The following PPIL2 variants were observed in gnomAD, a reference collection of about 807,000 sequenced individuals.
PPIL2 encodes the protein RING-type E3 ubiquitin-protein ligase PPIL2.
In PPIL2, 50 loss-of-function variants were observed where a neutral mutation model predicts 75.2. That is an observed-to-expected ratio of 0.66 (90% CI 0.53 to 0.84). The LOEUF is 0.84. PPIL2 is among the 40% of genes least tolerant of loss of function. The pLI, the probability that PPIL2 is intolerant of heterozygous loss-of-function variation, is 0.00. For missense variants in PPIL2, 590 were observed against 685.0 expected (o/e 0.86, Z 1.55); for synonymous variants, 245 against 258.8 (o/e 0.95, Z 0.51).
At chr22:21,668,007 C>T (rs1440948281) in intron 1 of PPIL2, among the ~76,000 whole-genome samples, 2 of 152,008 alleles carry the variant, frequency 1.3e-5, no homozygotes, top group African/African-American at 2.4e-5. Flanking sequence ...GAACTCCTGA[C>T]GTCGAGTGAT....
Position 21,695,593 on chromosome 22 carries a change from A to G in PPIL2, c.*103A>G, listed in dbSNP as rs1304129682. On this transcript the variant is annotated 3_prime_UTR_variant, in exon 20 of 20. Transcript: ENST00000398831. Reference sequence around the variant, plus strand: ...CTAGCCTGCCCTCTGCTGCCAGCCAATAAATTGCTTGCCTGCTGCCTGCAT... The same window carrying G: ...CTAGCCTGCCCTCTGCTGCCAGCCAGTAAATTGCTTGCCTGCTGCCTGCAT... 3.9e-6 allele frequency: 6 copies of G among 1,522,992 alleles called. No homozygotes were observed. The highest frequency in any genetic ancestry group is 4.4e-6 in the Non-Finnish European group (5 of 1,132,800). The allele number at this position is 1,522,992 out of a possible 1,614,324, so 94.3% of individuals were successfully genotyped here.
At chr22:21,683,603 GA>G (rs1367648081) in intron 9 of PPIL2, among the ~76,000 whole-genome samples, 2 of 152,276 alleles carry the variant, frequency 1.3e-5, no homozygotes, top group African/African-American at 4.8e-5. Context: ...CTCATGTTCA[GA>G]GGTCACTCGG....
intron 7 of PPIL2, among the ~76,000 whole-genome samples, 175 bp from the exon 8 acceptor site, chr22:21,682,262 C>T (rs952666643): frequency 6.6e-6 from 1 of 152,204 alleles, no homozygotes; most frequent in Non-Finnish European, 1.5e-5. Context: ...CCAGCCAGCT[C>T]CGCCTCTGTG....
downstream of PPIL2, chr22:21,699,506 T>C (rs994077216): frequency 2.0e-5 from 3 of 152,372 alleles, no homozygotes; most frequent in African/African-American, 4.8e-5. Context: ...TAATAAAATA[T>C]ATGGCAGAAA....
chr22:21,672,426 C>T, intron 5 of PPIL2, 45 bp downstream of exon 5: 6 of 1,528,218 alleles, frequency 3.9e-6, no homozygotes, highest in Non-Finnish European at 5.4e-6. Context: ...TGAATGCTAT[C>T]CTCTCACTTC....
Position 21,696,651 on chromosome 22 carries a change from G to C in PPIL2, c.*1161G>C. On this transcript the variant is annotated 3_prime_UTR_variant, in exon 20 of 20. Transcript: ENST00000398831. Reference sequence around the variant, plus strand: ...CCTCTTGGGCTCCCTGTTGCCCTCAGGCCACCCCCCACTTCTAGTTCTTCA... The same window carrying C: ...CCTCTTGGGCTCCCTGTTGCCCTCACGCCACCCCCCACTTCTAGTTCTTCA... 2 of 1,521,786 alleles carry C rather than the reference G, an allele frequency of 1.3e-6. No individual in the cohort carries two copies. The highest frequency in any genetic ancestry group is 1.8e-6 in the Non-Finnish European group (2 of 1,139,314). 94.3% of individuals were successfully genotyped at this position (1,521,786 alleles called of 1,614,324 possible). A position where few individuals can be genotyped will look rare whatever the true frequency, so the allele number is the denominator to read the frequency against.
rs962858926 is a variant in PPIL2, at chr22:21,686,313, T to C, written c.715-170T>C. On this transcript the variant is annotated intron_variant, in intron 10 of 19. Coordinates refer to ENST00000398831, the MANE Select transcript of PPIL2 (RefSeq NM_014337.4). Reference sequence around the variant, plus strand: ...GAGGCCAGGGGACCCTGGCTTGGCCTAGCCTTGGCTTCTTCCTCCTGCTGG... The same window carrying C: ...GAGGCCAGGGGACCCTGGCTTGGCCCAGCCTTGGCTTCTTCCTCCTGCTGG... 4.6e-5 allele frequency among the ~76,000 whole-genome samples: 7 copies of C among 152,314 alleles called. No homozygotes were observed. The East Asian group carries it at 1.4e-3, about 29-fold the overall frequency.
At chr22:21,692,719 A>G (rs888605326) in intron 15 of PPIL2, among the ~76,000 whole-genome samples, 1 of 151,274 alleles carries the variant, frequency 6.6e-6, no homozygotes, top group Non-Finnish European at 1.5e-5. Context: ...AGGTCAAGAG[A>G]TTGAGACCAT....
Position 21,694,824 on chromosome 22 carries a change from G to C in PPIL2, c.1332+7G>C, listed in dbSNP as rs747676624. The C allele has an allele frequency of 5.3e-5, 84 of 1,595,494 alleles. No individual in the cohort carries two copies. Among genetic ancestry groups the C allele is most frequent in the Non-Finnish European group, 5.9e-5 (69 of 1,168,596 alleles). ...TGAGGAGGCCGATGCCCAGGTGAGG[G>C]GGCACGATGCCACCACCTAGGAGGG... On this transcript the variant is annotated splice_region_variant and intron_variant, in intron 18 of 19. Transcript: ENST00000398831.
intron 13 of PPIL2, 34 bp downstream of exon 13, chr22:21,687,766 G>A (rs759958523): frequency 2.7e-5 from 43 of 1,586,272 alleles, no homozygotes; most frequent in Non-Finnish European, 1.7e-5. Flanking sequence ...GCACAGATGA[G>A]CTTGGTGGGA....
chr22:21,687,920 T>G (rs1383100894), intron 13 of PPIL2, among the ~76,000 whole-genome samples, 153 bp from the exon 14 acceptor site: 1 of 152,214 alleles, frequency 6.6e-6, no homozygotes, highest in Non-Finnish European at 1.5e-5. Flanking sequence ...AGAACTGGGT[T>G]CACAAAGGGA....
intron 3 of PPIL2, 146 bp from the exon 4 acceptor site, chr22:21,670,851 A>C: frequency 1.1e-6 from 1 of 906,016 alleles, no homozygotes; most frequent in Non-Finnish European, 1.8e-6. Context: ...GTTGGAGGAG[A>C]AGGTTGGTGA....
At chr22:21,692,903 G>C (rs2067739189) in intron 15 of PPIL2, among the ~76,000 whole-genome samples, 1 of 150,618 alleles carries the variant, frequency 6.6e-6, no homozygotes. Context: ...TCCAGCCTGG[G>C]GGACAGAGCA....
intron 8 of PPIL2, 133 bp from the exon 9 acceptor site, chr22:21,683,049 G>A: frequency 1.3e-6 from 1 of 798,298 alleles, no homozygotes; most frequent in Non-Finnish European, 2.2e-6. Context: ...CTCATGCCCT[G>A]CTTGACTCCC....
rs887650566 is a variant in PPIL2, at chr22:21,693,713, C to T, written c.1140-103C>T. 5.4e-5 allele frequency: 64 copies of T among 1,192,630 alleles called. No individual in the cohort carries two copies. In the African/African-American group the frequency reaches 8.4e-4, roughly 16 times the overall value. The allele number at this position is 1,192,630 out of a possible 1,614,324, so 73.9% of individuals were successfully genotyped here. A position where few individuals can be genotyped will look rare whatever the true frequency, so the allele number is the denominator to read the frequency against. On this transcript the variant is annotated intron_variant, in intron 15 of 19. Transcript: ENST00000398831. Reference sequence around the variant, plus strand: ...CATGCGTCCGTGGAAGCTGCAGGTTCCCAGAGCTGGCTGTAGAGGGTGGGC... The same window carrying T: ...CATGCGTCCGTGGAAGCTGCAGGTTTCCAGAGCTGGCTGTAGAGGGTGGGC...
At chr22:21,686,431 C>A (rs367878160) in intron 10 of PPIL2, 52 bp from the exon 11 acceptor site, 7 of 1,558,130 alleles carry the variant, frequency 4.5e-6, no homozygotes, top group Non-Finnish European at 6.2e-6. Flanking sequence ...CACGTCCCCA[C>A]CCAACTGCCT....
intron 1 of PPIL2, among the ~76,000 whole-genome samples, chr22:21,666,740 CG>C (rs1223608864): frequency 6.6e-6 from 1 of 152,030 alleles, no homozygotes; most frequent in Non-Finnish European, 1.5e-5. Flanking sequence ...ACCCGGGAGG[CG>C]GAGGTTGCGG....
Position 21,696,459 on chromosome 22 carries a change from T to G in PPIL2, c.*969T>G. 1.7e-6 allele frequency: 2 copies of G among 1,206,524 alleles called. No homozygotes were observed. The highest frequency in any genetic ancestry group is 2.1e-6 in the Non-Finnish European group (2 of 957,272). The allele number at this position is 1,206,524 out of a possible 1,614,324, so 74.7% of individuals were successfully genotyped here. A position where few individuals can be genotyped will look rare whatever the true frequency, so the allele number is the denominator to read the frequency against. On this transcript the variant is annotated 3_prime_UTR_variant, in exon 20 of 20. Coordinates refer to ENST00000398831, the MANE Select transcript of PPIL2 (RefSeq NM_014337.4). Reference sequence around the variant, plus strand: ...AGACTCTGCTCCTCCTGTCAGTCACTGACTCTGATGGCCTTGGGCCAGCTG... The same window carrying G: ...AGACTCTGCTCCTCCTGTCAGTCACGGACTCTGATGGCCTTGGGCCAGCTG...
In PPIL2 at chr22:21,686,914, G is replaced by A; in HGVS notation, c.813G>A (p.Leu271=). ...HEAAAIDEDV[L]RYQFVKKKGY... ...TAGCTGCCATCGACGAGGATGTGCT[G>A]CGCTACCAGTTTGTGAAGAAGAAGG... The change falls in exon 12 of 20, where the codon CTG becomes CTA. Residue 271 remains leucine (L), a synonymous_variant. Coordinates refer to ENST00000398831, the MANE Select transcript of PPIL2 (RefSeq NM_014337.4). 6.2e-7 allele frequency: 1 copy of A among 1,614,098 alleles called. No individual in the cohort carries two copies. Among genetic ancestry groups the A allele is most frequent in the Non-Finnish European group, 8.5e-7 (1 of 1,180,032 alleles).
Sources: allele counts gnomAD v4.1 joint callset (sites outside exome capture counted in the v4.1 genomes callset), GRCh38; gene constraint gnomAD v4.1.1; transcripts MANE v1.5; gene names NCBI Gene and HGNC (gene_info 2026-07-23, HGNC 2026-07-21).